TECTA: variants seen among roughly 807,000 people sequenced by gnomAD.
The protein encoded by TECTA is tectorin alpha.
A neutral mutation model predicts 216.8 loss-of-function variants in TECTA; 128 were observed. The observed-to-expected ratio is 0.59, with a 90% confidence interval of 0.51 to 0.68. The LOEUF (loss-of-function observed/expected upper bound fraction) is 0.68. Among genes scored for constraint, TECTA ranks in the 30% least tolerant of loss-of-function variants. The probability of loss-of-function intolerance (pLI) is 0.00; values close to 1 mark genes in which losing one functional copy is unlikely to be tolerated. For missense variants in TECTA, 2,551 were observed against 2,786.2 expected (o/e 0.92, Z 1.90); for synonymous variants, 1,089 against 1,117.1 (o/e 0.97, Z 0.50).
chr11:121,137,366 C>T, intron 10 of TECTA, 55 bp from the exon 11 acceptor site: 1 of 1,612,706 alleles, frequency 6.2e-7, no homozygotes, highest in Non-Finnish European at 8.5e-7. Flanking sequence ...ACGCACACTT[C>T]TGTCTCTGAC....
At chr11:121,183,881 G>C (rs546821117) in intron 20 of TECTA, among the ~76,000 whole-genome samples, 1 of 152,222 alleles carries the variant, frequency 6.6e-6, no homozygotes, top group South Asian at 2.1e-4. Flanking sequence ...TCAACGTCCT[G>C]GGCTCAAGTG....
rs547319648 is a variant in TECTA at position 121,161,234 on chromosome 11, G to A, written c.4976+813G>A. Among the ~76,000 whole-genome samples the A allele has an allele frequency of 1.5e-3, 225 of 152,122 alleles. 1 individual carries two copies. Among genetic ancestry groups the A allele is most frequent in the African/African-American group, 5.3e-3 (219 of 41,486 alleles). On this transcript the variant is annotated intron_variant, in intron 15 of 23. Transcript: ENST00000392793. Reference sequence around the variant, plus strand: ...GGACTCAGAGCTGTGAAAATTCTTGGGCAATATCTTGTCCAATCTCTTCCT... The same window carrying A: ...GGACTCAGAGCTGTGAAAATTCTTGAGCAATATCTTGTCCAATCTCTTCCT...
chr11:121,184,677 A>G (rs1004341745), intron 20 of TECTA, among the ~76,000 whole-genome samples: 1 of 152,230 alleles, frequency 6.6e-6, no homozygotes, highest in Non-Finnish European at 1.5e-5. Context: ...TCACACAACT[A>G]TCAAGGAGCA....
intron 4 of TECTA, among the ~76,000 whole-genome samples, chr11:121,112,371 C>T (rs1473716826): frequency 6.6e-6 from 1 of 152,190 alleles, no homozygotes; most frequent in African/African-American, 2.4e-5. Flanking sequence ...TAACTCATTT[C>T]CCGCAGTCCC....
chr11:121,129,637 G>C lies in TECTA; in HGVS notation c.2368-1G>C. 6.2e-7 allele frequency: 1 copy of C among 1,614,194 alleles called. No individual in the cohort carries two copies. The highest frequency in any genetic ancestry group is 8.5e-7 in the Non-Finnish European group (1 of 1,180,024). On this transcript the variant is annotated splice_acceptor_variant, in intron 9 of 23. Transcript: ENST00000392793. LOFTEE classifies it high-confidence loss of function. ...TTGATAAGAATGACTTGATTTTTCAGTTGAATGGTCAGGAAGTGGAATTGC... is the reference window on the plus strand; with the variant it reads ...TTGATAAGAATGACTTGATTTTTCACTTGAATGGTCAGGAAGTGGAATTGC...
intron 20 of TECTA, among the ~76,000 whole-genome samples, chr11:121,172,509 G>A (rs1378744507): frequency 1.3e-5 from 2 of 152,140 alleles, no homozygotes; most frequent in Admixed American, 6.5e-5. Context: ...CCCTACAAAG[G>A]ACATGAACTC....
At chr11:121,158,434 A>G (rs1055268842) in intron 14 of TECTA, among the ~76,000 whole-genome samples, 3 of 152,220 alleles carry the variant, frequency 2.0e-5, no homozygotes, top group Admixed American at 6.5e-5. Context: ...TGATGATTCC[A>G]AAGGCAGGAG....
chr11:121,168,394 A>C (rs1947077246), intron 19 of TECTA, 177 bp downstream of exon 19: 1 of 948,908 alleles, frequency 1.1e-6, no homozygotes, highest in South Asian at 1.5e-5. Flanking sequence ...GACGATGGAA[A>C]TATTCCATCT....
intron 3 of TECTA, among the ~76,000 whole-genome samples, 179 bp from the exon 4 acceptor site, chr11:121,109,032 T>C (rs999596558): frequency 1.3e-5 from 2 of 152,244 alleles, no homozygotes; most frequent in South Asian, 2.1e-4. Flanking sequence ...CCAATGAGTT[T>C]GTCTGGAAGT....
In TECTA at chr11:121,168,177, A is replaced by G. The variant is rs1437661708; in HGVS notation, c.5710A>G (p.Ile1904Val). 1.2e-5 allele frequency: 19 copies of G among 1,614,124 alleles called. No homozygotes were observed. The highest frequency in any genetic ancestry group is 2.7e-5 in the African/African-American group (2 of 74,954). ...VEFSCAYELD[I>V]KISLDSVVKP... Reference sequence around the variant, plus strand: ...ATTTTCATGTGCTTATGAGCTGGATATCAAGATCTCCTTGGATTCTGTTGT... The same window carrying G: ...ATTTTCATGTGCTTATGAGCTGGATGTCAAGATCTCCTTGGATTCTGTTGT... Residue 1904 changes from isoleucine to valine, a missense_variant, in exon 19 of 24, where the codon ATC (isoleucine) becomes GTC (valine). By Grantham distance (29) the Ile-to-Val change is conservative. Transcript: ENST00000392793.
chr11:121,172,659 G>A (rs1198815195), intron 20 of TECTA, among the ~76,000 whole-genome samples: 3 of 151,000 alleles, frequency 2.0e-5, no homozygotes, highest in Admixed American at 6.6e-5. Context: ...ACATGTGCAT[G>A]TGTCTTTATA....
rs767847736 is a variant in TECTA at position 121,113,867 on chromosome 11, C to T, written c.790+149C>T. ...GTAATGGAGATCAAGGTAATTTTAG[C>T]ATGTGCATTCATCACATCAGAAGCT... On this transcript the variant is annotated intron_variant, in intron 6 of 23. Coordinates refer to ENST00000392793, the MANE Select transcript of TECTA (RefSeq NM_005422.4). The surrounding 1 kb of genome is among the most constrained non-coding windows in gnomAD (Gnocchi z 4.2). 342 of 977,550 alleles carry T rather than the reference C, an allele frequency of 3.5e-4. 1 individual carries two copies. The highest frequency in any genetic ancestry group is 1.0e-3 in the Admixed American group (52 of 49,864). The allele number at this position is 977,550 out of a possible 1,614,324, so 60.6% of individuals were successfully genotyped here.
intron 13 of TECTA, among the ~76,000 whole-genome samples, chr11:121,156,509 A>T (rs1025207650): frequency 3.3e-5 from 5 of 151,694 alleles, no homozygotes; most frequent in African/African-American, 1.2e-4. Context: ...ATGCCTGGCG[A>T]GTTTTTGTAT....
At chr11:121,140,954 C>G (rs1946778896) in intron 11 of TECTA, 1 of 152,200 alleles carries the variant, frequency 6.6e-6, no homozygotes, top group Admixed American at 6.5e-5. Flanking sequence ...TTTGGGGGGA[C>G]ACAGTGTAAC....
chr11:121,127,823 G>A lies in TECTA; in HGVS notation c.1846G>A (p.Asp616Asn). ...AAGCAGCTGCCCCGACACATGCTCC[G>A]ACCTGACGGCCTCGCGGAACTGCGC... The part of the protein sequence containing the change: ...CTSSCPDTCS[D>N]LTASRNCATP... The change falls in exon 9 of 24, where the codon GAC becomes AAC. Residue 616 changes from aspartate (D) to asparagine (N), a missense_variant. By Grantham distance (23) the Asp-to-Asn change is conservative. This residue lies in a region of TECTA where 2,375 missense variants were observed against 2,563.9 expected (regional missense o/e 0.93). Transcript: ENST00000392793. This position sits in a 1 kb window ranked among gnomAD's most constrained non-coding sequence, Gnocchi z 5.0. The A allele has an allele frequency of 6.2e-7, 1 of 1,614,130 alleles. No individual in the cohort carries two copies. The highest frequency in any genetic ancestry group is 8.5e-7 in the Non-Finnish European group (1 of 1,180,034).
intron 7 of TECTA, among the ~76,000 whole-genome samples, chr11:121,122,688 AAAAAAG>A (rs1385513184): frequency 1.4e-5 from 2 of 147,064 alleles, no homozygotes; most frequent in Non-Finnish European, 3.0e-5. Flanking sequence ...AAAAAAAAAA[AAAAAAG>A]AAAGCCAAAA....
chr11:121,143,640 C>T (rs1167990861), intron 11 of TECTA, among the ~76,000 whole-genome samples: 1 of 152,266 alleles, frequency 6.6e-6, no homozygotes, highest in Non-Finnish European at 1.5e-5. Flanking sequence ...GTGCCTGGCA[C>T]TCAGTGGTGC....
chr11:121,121,731 G>C (rs1946560510), intron 7 of TECTA, among the ~76,000 whole-genome samples: 2 of 152,202 alleles, frequency 1.3e-5, no homozygotes, highest in Admixed American at 1.3e-4. Flanking sequence ...TCCAGAACCA[G>C]CCTACCCCAT....
chr11:121,152,581 C>G (rs984166493), intron 12 of TECTA, among the ~76,000 whole-genome samples: 4 of 152,008 alleles, frequency 2.6e-5, no homozygotes, highest in African/African-American at 9.7e-5. Context: ...TTCAGATGGG[C>G]GGTGGGTTCA....
Sources: allele counts gnomAD v4.1 joint callset (sites outside exome capture counted in the v4.1 genomes callset), GRCh38; gene constraint gnomAD v4.1.1; regional missense constraint gnomAD v4.1.1; non-coding constraint Gnocchi (gnomAD v3.1); transcripts MANE v1.5; gene names NCBI Gene and HGNC (gene_info 2026-07-23, HGNC 2026-07-21).